The following HIP1 variants were observed in gnomAD, a reference collection of about 807,000 sequenced individuals.
HIP1 encodes huntingtin interacting protein 1.
HIP1 carries 65 observed loss-of-function variants against 147.6 expected under a neutral mutation model. The ratio of observed to expected loss-of-function variants is 0.44; its 90% CI spans 0.36 to 0.54. The LOEUF (loss-of-function observed/expected upper bound fraction) is 0.54, where lower values mean the gene tolerates loss of function less well. Among genes scored for constraint, HIP1 ranks in the 20% least tolerant of loss-of-function variants. HIP1 has a pLI of 0.00. For missense variants in HIP1, 1,061 were observed against 1,299.6 expected (o/e 0.82, Z 2.82); for synonymous variants, 479 against 504.0 (o/e 0.95, Z 0.67).
intron 1 of HIP1, among the ~76,000 whole-genome samples, chr7:75,636,406 A>G (rs1341178757): frequency 6.6e-6 from 1 of 151,844 alleles, no homozygotes; most frequent in African/African-American, 2.4e-5. Flanking sequence ...GCTTTTCCTC[A>G]CTCTGCGTAA....
chr7:75,731,645 G>A (rs1478397546), intron 1 of HIP1, among the ~76,000 whole-genome samples: 3 of 152,074 alleles, frequency 2.0e-5, no homozygotes, highest in African/African-American at 7.2e-5. Flanking sequence ...CCAGGTTCAA[G>A]GCTCAGGGTG....
At position 75,542,923 on chromosome 7, in the gene HIP1, G is replaced by A. The variant is rs782796068; in HGVS notation, c.2818C>T (p.Arg940Trp). 63 of 1,613,952 alleles carry A rather than the reference G, an allele frequency of 3.9e-5. No individual in the cohort carries two copies. Among genetic ancestry groups the A allele is most frequent in the Non-Finnish European group, 4.8e-5 (57 of 1,179,988 alleles). ...CCGGCAGTGGCCTGGTTCACTCCCC[G>A]AGAGGCCTGCTGCAGCTGGGCTAGG... ...PNLAQLQQASRGVNQATAGVV... is the reference protein window; with the variant it reads ...PNLAQLQQASWGVNQATAGVV... Residue 940 changes from arginine (R) to tryptophan (W), a missense_variant, in exon 28 of 31, where the codon CGG becomes TGG. By Grantham distance (101) the Arg-to-Trp change is moderately radical (BLOSUM62 -3). Transcript: ENST00000336926.
At chr7:75,591,932 C>G (rs587768729) in intron 4 of HIP1, 124 bp downstream of exon 4, 1 of 819,772 alleles carries the variant, frequency 1.2e-6, no homozygotes, top group East Asian at 2.4e-5. Context: ...GTCTCTGGCA[C>G]CCATGGGAGA....
intron 2 of HIP1, among the ~76,000 whole-genome samples, chr7:75,595,251 T>TTCCTTCCTTCCTTC (rs1796675604): frequency 6.7e-5 from 4 of 59,536 alleles, no homozygotes; most frequent in African/African-American, 2.6e-4. Context: ...TTTCTTTCTT[T>TTCCTTCCTTCCTTC]CTTCCTTCCT....
intron 1 of HIP1, among the ~76,000 whole-genome samples, chr7:75,713,405 C>T (rs989783493): frequency 1.3e-5 from 2 of 152,188 alleles, no homozygotes; most frequent in African/African-American, 4.8e-5. Flanking sequence ...CCGGTGCTAG[C>T]TGCACTGCGA....
chr7:75,544,855 C>T, intron 26 of HIP1, 55 bp from the exon 27 acceptor site: 1 of 1,107,258 alleles, frequency 9.0e-7, no homozygotes, highest in Non-Finnish European at 1.4e-6. Flanking sequence ...TGCAACTCCT[C>T]CACAATCCCA....
chr7:75,627,432 G>C (rs1189227828), intron 1 of HIP1, among the ~76,000 whole-genome samples: 1 of 152,052 alleles, frequency 6.6e-6, no homozygotes, highest in Non-Finnish European at 1.5e-5. Flanking sequence ...CAGGACCCAA[G>C]GCCTTGACCA....
chr7:75,535,567 C>G lies in HIP1; in HGVS notation c.*2605G>C. The G allele has an allele frequency of 5.5e-6, 1 of 181,164 alleles. No individual in the cohort carries two copies. Among genetic ancestry groups the G allele is most frequent in the Non-Finnish European group, 1.2e-5 (1 of 84,736 alleles). The allele number at this position is 181,164 out of a possible 1,614,324, so 11.2% of individuals were successfully genotyped here. Reference sequence around the variant, plus strand: ...TAGAGATGAGGTCTTGCTATGATGCCCAGCCTGGTCTCAAACTCCTGAGCT... The same window carrying G: ...TAGAGATGAGGTCTTGCTATGATGCGCAGCCTGGTCTCAAACTCCTGAGCT... On this transcript the variant is annotated 3_prime_UTR_variant, in exon 31 of 31. Transcript: ENST00000336926.
chr7:75,622,798 G>A (rs975160616), intron 1 of HIP1, among the ~76,000 whole-genome samples: 45 of 151,736 alleles, frequency 3.0e-4, no homozygotes, highest in Non-Finnish European at 5.9e-4. Flanking sequence ...AGCTATGACT[G>A]CGTTACTGCA....
chr7:75,697,391 T>TA (rs1261868662), intron 1 of HIP1, among the ~76,000 whole-genome samples: 4 of 151,480 alleles, frequency 2.6e-5, no homozygotes, highest in Admixed American at 2.6e-4. Context: ...CACAGTTCTC[T>TA]AAAAAAACAC....
intron 1 of HIP1, among the ~76,000 whole-genome samples, chr7:75,727,816 A>G (rs1554522514): frequency 6.6e-6 from 1 of 151,224 alleles, no homozygotes; most frequent in Non-Finnish European, 1.5e-5. Context: ...ACTGGATTCC[A>G]GCCTAGGTGA....
intron 9 of HIP1, among the ~76,000 whole-genome samples, chr7:75,564,113 A>G (rs1795326094): frequency 6.6e-6 from 1 of 152,036 alleles, no homozygotes; most frequent in South Asian, 2.1e-4. Flanking sequence ...GCTGGTCTCA[A>G]ACTCCTGGCT....
At chr7:75,661,820 G>A (rs1490298804) in intron 1 of HIP1, among the ~76,000 whole-genome samples, 1 of 152,020 alleles carries the variant, frequency 6.6e-6, no homozygotes, top group Non-Finnish European at 1.5e-5. Flanking sequence ...TGGGCAGTGG[G>A]AGGTGGTGAG....
At chr7:75,614,929 C>T (rs1017917477) in intron 1 of HIP1, among the ~76,000 whole-genome samples, 6 of 151,996 alleles carry the variant, frequency 3.9e-5, no homozygotes, top group Admixed American at 6.6e-5. Context: ...CCCACCACCC[C>T]GCCTGGCTAA....
At chr7:75,726,710 T>A (rs1296956109) in intron 1 of HIP1, among the ~76,000 whole-genome samples, 1 of 151,008 alleles carries the variant, frequency 6.6e-6, no homozygotes, top group African/African-American at 2.4e-5. Flanking sequence ...TTTCTTTTTT[T>A]TTTTTTTTTG....
intron 1 of HIP1, among the ~76,000 whole-genome samples, chr7:75,734,745 AC>A (rs1801963409): frequency 6.6e-6 from 1 of 152,086 alleles, no homozygotes; most frequent in East Asian, 1.9e-4. Flanking sequence ...TCTCCACTGC[AC>A]CCGCTGGGAA....
At position 75,663,982 on chromosome 7, in the gene HIP1, GTGTATATATATACACATATA is replaced by G. The variant is rs1563278112; in HGVS notation, c.121-64755_121-64736del. Reference sequence around the variant, plus strand: ...TGTGTATATATATATACACATATATGTGTATATATATACACATATATGTGTATATATATACACATATATGT... The same window carrying G: ...TGTGTATATATATATACACATATATGTGTGTATATATATACACATATATGT... On this transcript the variant is annotated intron_variant, in intron 1 of 30. Coordinates refer to ENST00000336926, the MANE Select transcript of HIP1 (RefSeq NM_005338.7). 9.3e-4 allele frequency among the ~76,000 whole-genome samples: 11 copies of G among 11,796 alleles called. 4 individuals are homozygous for G. In the East Asian group the frequency reaches 0.013, roughly 14 times the overall value. The allele number at this position is 11,796 out of a possible 152,430, so 7.7% of individuals were successfully genotyped here. A position where few individuals can be genotyped will look rare whatever the true frequency, so the allele number is the denominator to read the frequency against.
At chr7:75,651,002 A>T (rs1299145781) in intron 1 of HIP1, among the ~76,000 whole-genome samples, 1 of 152,080 alleles carries the variant, frequency 6.6e-6, no homozygotes, top group Non-Finnish European at 1.5e-5. Flanking sequence ...AAAAAAACTG[A>T]TTCTGGGTTA....
chr7:75,555,679 G>C, intron 18 of HIP1, 128 bp from the exon 19 acceptor site: 1 of 1,025,126 alleles, frequency 9.8e-7, no homozygotes, highest in Non-Finnish European at 1.4e-6. Context: ...CAGTAAGCCT[G>C]AGACAGAGAA....
Sources: allele counts gnomAD v4.1 joint callset (sites outside exome capture counted in the v4.1 genomes callset), GRCh38; gene constraint gnomAD v4.1.1; transcripts MANE v1.5; gene names NCBI Gene and HGNC (gene_info 2026-07-23, HGNC 2026-07-21).